The following EIF4G3 variants were observed in gnomAD, a reference collection of about 807,000 sequenced individuals.
The protein encoded by EIF4G3 is eukaryotic translation initiation factor 4 gamma 3, also known as eIF-4-gamma 3.
A neutral mutation model predicts 186.4 loss-of-function variants in EIF4G3; 34 were observed. The ratio of observed to expected loss-of-function variants is 0.18; its 90% CI spans 0.14 to 0.24. EIF4G3 has a LOEUF of 0.24. Among genes scored for constraint, EIF4G3 ranks in the 10% least tolerant of loss-of-function variants. The pLI, the probability that EIF4G3 is intolerant of heterozygous loss-of-function variation, is 1.00. For synonymous variants in EIF4G3, 673 were observed against 679.5 expected, an observed-to-expected ratio of 0.99 and a Z score of 0.15; for missense variants, 1,536 against 1,948.5, an observed-to-expected ratio of 0.79 and a Z score of 3.99.
chr1:21,090,827 A>C (rs1433679959), intron 2 of EIF4G3, among the ~76,000 whole-genome samples: 1 of 152,220 alleles, frequency 6.6e-6, no homozygotes, highest in Admixed American at 6.5e-5. Context: ...AGGAAGATCA[A>C]GGATACAAAT....
At chr1:20,829,595 G>A (rs994255653) in intron 30 of EIF4G3, among the ~76,000 whole-genome samples, 1 of 152,138 alleles carries the variant, frequency 6.6e-6, no homozygotes, top group African/African-American at 2.4e-5. Context: ...AAGAAGGACA[G>A]TCCTGTGAAG....
chr1:21,011,141 A>G (rs2086923438), intron 4 of EIF4G3, among the ~76,000 whole-genome samples: 1 of 151,978 alleles, frequency 6.6e-6, no homozygotes, highest in African/African-American at 2.4e-5. Context: ...ATACTTAGTG[A>G]AAACCAAGGC....
At chr1:21,150,934 C>A (rs190460321) in intron 2 of EIF4G3, among the ~76,000 whole-genome samples, 2 of 152,278 alleles carry the variant, frequency 1.3e-5, no homozygotes, top group East Asian at 3.9e-4. Context: ...CAGAATCATA[C>A]CACTGCACTC....
At position 20,926,530 on chromosome 1, in the gene EIF4G3, G is replaced by C. The variant is rs185164267; in HGVS notation, c.1663+14961C>G. ...TCTATCTCTACAAAAAGTTAGCTGGGTGTGGTGTCACGCATCTGTGGTTCC... is the reference window on the plus strand; with the variant it reads ...TCTATCTCTACAAAAAGTTAGCTGGCTGTGGTGTCACGCATCTGTGGTTCC... On this transcript the variant is annotated intron_variant, in intron 14 of 36. Transcript: ENST00000602326. Among the ~76,000 whole-genome samples the C allele has an allele frequency of 5.3e-5, 8 of 152,272 alleles. No individual in the cohort carries two copies. In the East Asian group the frequency reaches 1.5e-3, roughly 29 times the overall value.
intron 14 of EIF4G3, among the ~76,000 whole-genome samples, chr1:20,906,959 G>C (rs568251838): frequency 2.0e-5 from 3 of 152,192 alleles, no homozygotes; most frequent in African/African-American, 7.2e-5. Context: ...GGGAGTAGAA[G>C]GGAAGCAGTC....
chr1:20,959,738 C>CA lies in EIF4G3; in HGVS notation c.715-9628dup, dbSNP rs1558443087. ...GCAAAGGACATGAATAGACATTTCT[C>CA]AAAAAAAGATACATAAATTGGCCTA... On this transcript the variant is annotated intron_variant, in intron 12 of 36. Coordinates refer to ENST00000602326, the MANE Select transcript of EIF4G3 (RefSeq NM_001391906.1). Among the ~76,000 whole-genome samples the CA allele has an allele frequency of 2.0e-5, 3 of 151,132 alleles. No individual in the cohort carries two copies. The South Asian group carries it at 6.3e-4, about 32-fold the overall frequency.
chr1:21,064,188 A>G (rs1205474507), intron 3 of EIF4G3, among the ~76,000 whole-genome samples: 3 of 152,052 alleles, frequency 2.0e-5, no homozygotes, highest in Non-Finnish European at 4.4e-5. Context: ...GGTTCATGCT[A>G]TCCTTTGTGC....
intron 30 of EIF4G3, among the ~76,000 whole-genome samples, chr1:20,840,603 C>T (rs1427072298): frequency 2.0e-5 from 3 of 152,136 alleles, no homozygotes; most frequent in Admixed American, 2.0e-4. Flanking sequence ...TGTTACCTTA[C>T]TTACATCATG....
At chr1:21,148,774 A>G (rs1171919608) in intron 2 of EIF4G3, among the ~76,000 whole-genome samples, 1 of 151,586 alleles carries the variant, frequency 6.6e-6, no homozygotes, top group Non-Finnish European at 1.5e-5. Context: ...GTGGGAGGAT[A>G]GCCAGGAGTT....
chr1:21,106,951 C>T (rs2096629047), intron 2 of EIF4G3, among the ~76,000 whole-genome samples: 2 of 152,102 alleles, frequency 1.3e-5, no homozygotes, highest in South Asian at 4.1e-4. Flanking sequence ...ATCAGCCCTA[C>T]AGAAAACCAG....
At chr1:20,959,045 T>A (rs879799178) in intron 12 of EIF4G3, among the ~76,000 whole-genome samples, 4 of 151,376 alleles carry the variant, frequency 2.6e-5, no homozygotes, top group Non-Finnish European at 4.4e-5. Context: ...GAAAAAAAAA[T>A]CCTAAAATTC....
intron 4 of EIF4G3, among the ~76,000 whole-genome samples, chr1:21,045,037 T>C (rs753226488): frequency 2.7e-4 from 41 of 152,094 alleles, no homozygotes; most frequent in Non-Finnish European, 5.0e-4. Flanking sequence ...GAAGAACTGC[T>C]TGAGTCCAGG....
At chr1:20,890,075 C>T (rs756046703) in intron 18 of EIF4G3, among the ~76,000 whole-genome samples, 2 of 151,072 alleles carry the variant, frequency 1.3e-5, no homozygotes, top group African/African-American at 2.4e-5. Context: ...CGGGTTCAAG[C>T]GATTCTTGTG....
At chr1:21,012,530 A>G (rs2087466925) in intron 4 of EIF4G3, among the ~76,000 whole-genome samples, 2 of 152,216 alleles carry the variant, frequency 1.3e-5, no homozygotes, top group Admixed American at 6.5e-5. Context: ...ACATCACCCA[A>G]TGAAAACACC....
chr1:21,165,265 T>C (rs1012635856), intron 2 of EIF4G3, among the ~76,000 whole-genome samples: 10 of 152,170 alleles, frequency 6.6e-5, no homozygotes, highest in African/African-American at 2.4e-4. Flanking sequence ...TTGGAAAACA[T>C]TTTGGCAGCT....
chr1:20,968,074 G>T (rs529253097), intron 12 of EIF4G3, among the ~76,000 whole-genome samples: 28 of 152,242 alleles, frequency 1.8e-4, no homozygotes, highest in African/African-American at 6.5e-4. Flanking sequence ...CACTGCACCT[G>T]CAATTGGCTT....
chr1:21,160,600 T>C (rs543031607), intron 2 of EIF4G3, among the ~76,000 whole-genome samples: 2 of 152,302 alleles, frequency 1.3e-5, no homozygotes, highest in South Asian at 2.1e-4. Context: ...AATCTCCTGA[T>C]ATGGGGCAAT....
In EIF4G3 at chr1:21,013,731, G is replaced by A. The variant is rs1570976174; in HGVS notation, c.-66-10923C>T. 8.5e-5 allele frequency among the ~76,000 whole-genome samples: 13 copies of A among 152,342 alleles called. 1 individual carries two copies. The South Asian group carries it at 2.7e-3, about 32-fold the overall frequency. On this transcript the variant is annotated intron_variant, in intron 4 of 36. Transcript: ENST00000602326. ...GGGGAAAAGTGTTCACATAGGCCCA[G>A]TGAATATACAAACACAGAAAAGGTC...
At position 21,061,098 on chromosome 1, in the gene EIF4G3, A is replaced by G. The variant is rs1249966569; in HGVS notation, c.-195-10104T>C. ...TATACTTGAAAGTGATAGATTATGGATATCAGGGATGGATTTTAAGTTTAT... is the reference window on the plus strand; with the variant it reads ...TATACTTGAAAGTGATAGATTATGGGTATCAGGGATGGATTTTAAGTTTAT... On this transcript the variant is annotated intron_variant, in intron 3 of 36. Coordinates refer to ENST00000602326, the MANE Select transcript of EIF4G3 (RefSeq NM_001391906.1). Among the ~76,000 whole-genome samples the G allele has an allele frequency of 3.9e-5, 6 of 152,172 alleles. No individual in the cohort carries two copies. In the East Asian group the frequency reaches 5.8e-4, roughly 15 times the overall value.
Sources: allele counts gnomAD v4.1 joint callset (sites outside exome capture counted in the v4.1 genomes callset), GRCh38; gene constraint gnomAD v4.1.1; transcripts MANE v1.5; gene names NCBI Gene and HGNC (gene_info 2026-07-23, HGNC 2026-07-21).